The following KIF6 variants were observed in gnomAD, a reference collection of about 807,000 sequenced individuals.
KIF6 encodes kinesin family member 6, also known as kinesin-like protein KIF6.
KIF6 carries 106 observed loss-of-function variants against 112.7 expected under a neutral mutation model. The observed-to-expected ratio is 0.94, with a 90% confidence interval of 0.80 to 1.11. The LOEUF is 1.11. Among genes scored for constraint, KIF6 ranks in the 50% least tolerant of loss-of-function variants. The pLI is 0.00. For missense variants in KIF6, 929 were observed against 964.0 expected (o/e 0.96, Z 0.48); for synonymous variants, 339 against 339.9 (o/e 1.00, Z 0.03).
chr6:39,540,466 C>T (rs559546363), intron 12 of KIF6, among the ~76,000 whole-genome samples: 37 of 152,274 alleles, frequency 2.4e-4, no homozygotes, highest in African/African-American at 7.9e-4. Context: ...GAGTTTAAAC[C>T]AGGTACATCT....
chr6:39,511,666 A>G (rs979393892), intron 13 of KIF6, among the ~76,000 whole-genome samples: 3 of 152,252 alleles, frequency 2.0e-5, no homozygotes, highest in Non-Finnish European at 4.4e-5. Flanking sequence ...GGCACTATTT[A>G]TAATAGCAAA....
rs1258761315 is a variant in KIF6 at position 39,390,048 on chromosome 6, A to AAAAAAAAAAAAAAAG, written c.1811-4377_1811-4376insCTTTTTTTTTTTTTT. Among the ~76,000 whole-genome samples the AAAAAAAAAAAAAAAG allele has an allele frequency of 3.2e-4, 44 of 137,286 alleles. 3 individuals carry two copies. Among genetic ancestry groups the AAAAAAAAAAAAAAAG allele is most frequent in the African/African-American group, 8.6e-4 (28 of 32,394 alleles). The allele number at this position is 137,286 out of a possible 152,430, so 90.1% of individuals were successfully genotyped here. Reference sequence around the variant, plus strand: ...TCTGTCTCCAAAAAAAAAAAAAAAAAAAAAGGAAATAATTACAAATCTGGA... The same window carrying AAAAAAAAAAAAAAAG: ...TCTGTCTCCAAAAAAAAAAAAAAAAAAAAAAAAAAAAAAAGAAAAGGAAATAATTACAAATCTGGA... On this transcript the variant is annotated intron_variant, in intron 15 of 22. Transcript: ENST00000287152.
chr6:39,508,936 A>G (rs1776603917), intron 13 of KIF6, among the ~76,000 whole-genome samples: 1 of 151,984 alleles, frequency 6.6e-6, no homozygotes, highest in South Asian at 2.1e-4. Flanking sequence ...TGGGTCCCTG[A>G]CCCCTGTGTA....
chr6:39,649,073 G>A (rs1785326213), intron 3 of KIF6, among the ~76,000 whole-genome samples: 1 of 151,972 alleles, frequency 6.6e-6, no homozygotes, highest in Non-Finnish European at 1.5e-5. Flanking sequence ...TAAGGTGGGA[G>A]GATCACTTGA....
At chr6:39,613,590 G>A (rs1470439363) in intron 5 of KIF6, among the ~76,000 whole-genome samples, 1 of 152,112 alleles carries the variant, frequency 6.6e-6, no homozygotes, top group Non-Finnish European at 1.5e-5. Context: ...AATCATCTTA[G>A]AATGCATATT....
intron 13 of KIF6, among the ~76,000 whole-genome samples, chr6:39,531,404 A>G (rs1258983045): frequency 1.3e-5 from 2 of 152,092 alleles, no homozygotes; most frequent in Non-Finnish European, 2.9e-5. Context: ...GAGAAGGGAG[A>G]TGGTGTGGGC....
intron 3 of KIF6, among the ~76,000 whole-genome samples, chr6:39,710,563 C>A (rs537855408): frequency 1.7e-3 from 262 of 150,868 alleles, no homozygotes; most frequent in African/African-American, 6.2e-3. Context: ...TTTTTCATTT[C>A]CTAGAAATGA....
At chr6:39,547,834 T>C (rs1383415142) in intron 10 of KIF6, among the ~76,000 whole-genome samples, 1 of 152,220 alleles carries the variant, frequency 6.6e-6, no homozygotes, top group African/African-American at 2.4e-5. Context: ...ACTATGGATG[T>C]ACTACTATTC....
chr6:39,583,619 T>G lies in KIF6; in HGVS notation c.1077+1279A>C, dbSNP rs573993197. 4.2e-4 allele frequency: 131 copies of G among 313,550 alleles called. 2 individuals are homozygous for G. Among genetic ancestry groups the G allele is most frequent in the South Asian group, 2.5e-3 (91 of 36,680 alleles). The allele number at this position is 313,550 out of a possible 1,614,324, so 19.4% of individuals were successfully genotyped here. A position where few individuals can be genotyped will look rare whatever the true frequency, so the allele number is the denominator to read the frequency against. On this transcript the variant is annotated intron_variant, in intron 9 of 22. Transcript: ENST00000287152. Reference sequence around the variant, plus strand: ...ATATGGGTAACAATTAATTTGTTGGTTTTTTTTTGATTTGAGAAATTTATA... The same window carrying G: ...ATATGGGTAACAATTAATTTGTTGGGTTTTTTTTGATTTGAGAAATTTATA...
chr6:39,460,075 G>A (rs1301277698), intron 13 of KIF6, among the ~76,000 whole-genome samples: 1 of 149,236 alleles, frequency 6.7e-6, no homozygotes, highest in African/African-American at 2.5e-5. Context: ...ACATGCACAC[G>A]TATGTTTATT....
intron 4 of KIF6, among the ~76,000 whole-genome samples, chr6:39,635,336 C>T (rs1400247885): frequency 2.0e-5 from 3 of 151,996 alleles, no homozygotes; most frequent in African/African-American, 4.8e-5. Context: ...ATAGTCTATT[C>T]ATAAAAAAGA....
At chr6:39,631,117 T>C (rs532939768) in intron 5 of KIF6, among the ~76,000 whole-genome samples, 21 of 152,196 alleles carry the variant, frequency 1.4e-4, no homozygotes, top group Non-Finnish European at 2.8e-4. Context: ...CAAGAGATAT[T>C]AGTCCGTAGT....
At chr6:39,537,622 A>C (rs370447839) in intron 13 of KIF6, among the ~76,000 whole-genome samples, 3 of 152,034 alleles carry the variant, frequency 2.0e-5, no homozygotes, top group African/African-American at 7.2e-5. Context: ...AATCAATATC[A>C]TGAAAATGGC....
intron 6 of KIF6, among the ~76,000 whole-genome samples, chr6:39,610,320 A>C (rs1783148018): frequency 6.6e-6 from 1 of 152,240 alleles, no homozygotes; most frequent in Admixed American, 6.5e-5. Flanking sequence ...TGAATAAATA[A>C]GAAGAGGCTG....
chr6:39,451,997 C>T (rs888947429), intron 13 of KIF6, among the ~76,000 whole-genome samples: 13 of 152,146 alleles, frequency 8.5e-5, no homozygotes, highest in African/African-American at 2.7e-4. Context: ...TCAAAATGGG[C>T]GAGCCTGCAA....
intron 13 of KIF6, among the ~76,000 whole-genome samples, chr6:39,527,492 C>T (rs1401622492): frequency 6.6e-6 from 1 of 152,096 alleles, no homozygotes. Flanking sequence ...GCCCCTTCTG[C>T]TTTGGTGGTT....
intron 3 of KIF6, chr6:39,690,770 G>C (rs1479548157): frequency 6.6e-6 from 1 of 152,402 alleles, no homozygotes; most frequent in Non-Finnish European, 1.5e-5. Context: ...TGGCCAATGG[G>C]GGACTGCAGG....
chr6:39,677,141 T>C (rs1035202381), intron 3 of KIF6, among the ~76,000 whole-genome samples: 4 of 152,140 alleles, frequency 2.6e-5, no homozygotes, highest in Non-Finnish European at 5.9e-5. Context: ...TATTCTGTAC[T>C]GTGGGCTTTA....
intron 3 of KIF6, among the ~76,000 whole-genome samples, chr6:39,704,776 T>C (rs939886650): frequency 2.6e-5 from 4 of 152,214 alleles, no homozygotes; most frequent in Admixed American, 2.6e-4. Flanking sequence ...CAATTATATC[T>C]TTAGAGAAAA....
Sources: gnomAD v4.1 joint callset for allele counts (sites outside exome capture counted in the v4.1 genomes callset) on GRCh38, gnomAD v4.1.1 for gene constraint, MANE v1.5 for transcripts, NCBI Gene and HGNC (gene_info 2026-07-23, HGNC 2026-07-21) for gene names.